The following PTPRN variants were observed in gnomAD, a reference collection of about 807,000 sequenced individuals.
PTPRN encodes receptor-type tyrosine-protein phosphatase-like N.
Under a neutral mutation model 108.5 loss-of-function variants are expected in PTPRN, and 70 were observed. That is an observed-to-expected ratio of 0.65 (90% CI 0.53 to 0.79). PTPRN has a LOEUF of 0.79. Among genes scored for constraint, PTPRN ranks in the 30% least tolerant of loss-of-function variants. PTPRN has a pLI of 0.00. For missense variants in PTPRN, 1,136 were observed against 1,295.5 expected, an observed-to-expected ratio of 0.88 and a Z score of 1.89; for synonymous variants, 496 against 524.6, an observed-to-expected ratio of 0.95 and a Z score of 0.75.
rs375683919 is a variant in PTPRN, at chr2:219,296,872, C to T, written c.2237-50G>A. 1.7e-5 allele frequency: 27 copies of T among 1,613,322 alleles called. No individual in the cohort carries two copies. The highest frequency in any genetic ancestry group is 1.5e-4 in the African/African-American group (11 of 74,896). On this transcript the variant is annotated intron_variant, in intron 15 of 22. Coordinates refer to ENST00000295718, the MANE Select transcript of PTPRN (RefSeq NM_002846.4). This position sits in a 1 kb window ranked among gnomAD's most constrained non-coding sequence, Gnocchi z 6.0. ...CAGATGGCCCTCTGGTCATTGGCATCGCGGGACCTCTGCCACTCAGCCTGA... is the reference window on the plus strand; with the variant it reads ...CAGATGGCCCTCTGGTCATTGGCATTGCGGGACCTCTGCCACTCAGCCTGA...
chr2:219,302,178 C>CCTA lies in PTPRN; in HGVS notation c.950_952dup (p.Leu317_Gly318insVal). On this transcript the variant is annotated inframe_insertion, in exon 6 of 23. Transcript: ENST00000295718. ...GGAAGCAGGCTTCTCTCCACGATCCCCTAGTCCTTCCTTCTCATAGCCCTC... is the reference window on the plus strand; with the variant it reads ...GGAAGCAGGCTTCTCTCCACGATCCCCTACTAGTCCTTCCTTCTCATAGCCCTC... The CCTA allele has an allele frequency of 6.2e-7, 1 of 1,607,546 alleles. No individual in the cohort carries two copies. The highest frequency in any genetic ancestry group is 1.1e-5 in the South Asian group (1 of 90,844).
chr2:219,299,827 CCT>C, intron 9 of PTPRN, 41 bp from the exon 10 acceptor site: 1 of 1,569,168 alleles, frequency 6.4e-7, no homozygotes, highest in African/African-American at 1.4e-5. Context: ...GTGGGGCAAC[CCT>C]CTCAGTCACT....
At chr2:219,301,448 A>G in intron 7 of PTPRN, 140 bp downstream of exon 7, 5 of 1,246,776 alleles carry the variant, frequency 4.0e-6, no homozygotes, top group Non-Finnish European at 5.6e-6. Flanking sequence ...CTTGCTGGCA[A>G]TGACCCTATG....
In PTPRN at chr2:219,295,124, CTCCGACA is replaced by C. The variant is rs762792046; in HGVS notation, c.2519_2525del (p.Val840GlyfsTer15). 3 of 1,611,280 alleles carry C rather than the reference CTCCGACA, an allele frequency of 1.9e-6. No homozygotes were observed. The highest frequency in any genetic ancestry group is 2.5e-6 in the Non-Finnish European group (3 of 1,178,726). ...CCAGAAAGTCCTCGCACCAGATGTG[CTCCGACA>C]CCAGGTTCACCTGCCCGGCAGGGGC... On this transcript the variant is annotated frameshift_variant, in exon 19 of 23. Transcript: ENST00000295718. LOFTEE classifies it high-confidence loss of function.
intron 20 of PTPRN, 109 bp downstream of exon 20, chr2:219,291,361 A>T: frequency 8.1e-7 from 1 of 1,238,412 alleles, no homozygotes; most frequent in East Asian, 2.3e-5. Flanking sequence ...GGTGTGCTGG[A>T]TTTGGACTAT....
chr2:219,296,151 G>A lies in PTPRN; in HGVS notation c.2508+75C>T. ...AAAGACTGTTGAGTGCTCATTTGGT[G>A]AAGAAAACGTTACGAAAAGGCCATC... On this transcript the variant is annotated intron_variant, in intron 18 of 22. Coordinates refer to ENST00000295718, the MANE Select transcript of PTPRN (RefSeq NM_002846.4). This position sits in a 1 kb window ranked among gnomAD's most constrained non-coding sequence, Gnocchi z 6.0. The A allele has an allele frequency of 1.3e-6, 2 of 1,593,428 alleles. No homozygotes were observed. Among genetic ancestry groups the A allele is most frequent in the Non-Finnish European group, 1.7e-6 (2 of 1,163,278 alleles).
In PTPRN at chr2:219,296,726, G is replaced by A; in HGVS notation, c.2310+23C>T. The stretch of plus-strand genomic sequence containing the variant: ...CAGGATAATGATGGGGCAGAGGTGG[G>A]GGCTGGAGTCAGGGCCACTCACAAT... On this transcript the variant is annotated intron_variant, in intron 16 of 22. Coordinates refer to ENST00000295718, the MANE Select transcript of PTPRN (RefSeq NM_002846.4). The surrounding 1 kb of genome is among the most constrained non-coding windows in gnomAD (Gnocchi z 6.0). 1 of 1,612,922 alleles carries A rather than the reference G, an allele frequency of 6.2e-7. No individual in the cohort carries two copies. Among genetic ancestry groups the A allele is most frequent in the South Asian group, 1.1e-5 (1 of 90,922 alleles).
chr2:219,308,958 C>T (rs2125099904), intron 1 of PTPRN: 3 of 1,476,198 alleles, frequency 2.0e-6, no homozygotes, highest in South Asian at 2.4e-5. Context: ...CCACATGCAC[C>T]CCGTGTCCTT....
rs10571864 is a variant in PTPRN, at chr2:219,293,165, C to CATTTATTT, written c.2676-1650_2676-1643dup. 4.1e-4 allele frequency among the ~76,000 whole-genome samples: 62 copies of CATTTATTT among 149,412 alleles called. 1 individual carries two copies. Among genetic ancestry groups the CATTTATTT allele is most frequent in the Middle Eastern group, 3.4e-3 (1 of 294 alleles). On this transcript the variant is annotated intron_variant, in intron 19 of 22. Coordinates refer to ENST00000295718, the MANE Select transcript of PTPRN (RefSeq NM_002846.4). ...CTTCTAGGGGGGCTTGACCAAACTG[C>CATTTATTT]ATTTATTTATTTATTTATTTATTTA... is the stretch of plus-strand genomic sequence containing the variant.
chr2:219,308,948 C>G, intron 1 of PTPRN: 1 of 1,458,220 alleles, frequency 6.9e-7, no homozygotes, highest in Non-Finnish European at 9.2e-7. Flanking sequence ...GTCCCTCTGC[C>G]CACATGCACC....
chr2:219,309,213 C>T lies in PTPRN; in HGVS notation c.115+5G>A, dbSNP rs747974759. The T allele has an allele frequency of 6.5e-7, 1 of 1,531,282 alleles. No individual in the cohort carries two copies. The highest frequency in any genetic ancestry group is 8.8e-7 in the Non-Finnish European group (1 of 1,139,038). 94.9% of individuals were successfully genotyped at this position (1,531,282 alleles called of 1,614,324 possible). A position where few individuals can be genotyped will look rare whatever the true frequency, so the allele number is the denominator to read the frequency against. ...ACCACCCGCCAGCCCAAGTTTCCTC[C>T]TGACCGTGGGCACTAACGGCGCTGC... On this transcript the variant is annotated splice_donor_5th_base_variant and intron_variant, in intron 1 of 22. Transcript: ENST00000295718.
rs1952248422 is a variant in PTPRN at position 219,298,120 on chromosome 2, A to G, written c.1669-17T>C. 2 of 1,607,602 alleles carry G rather than the reference A, an allele frequency of 1.2e-6. No individual in the cohort carries two copies. Among genetic ancestry groups the G allele is most frequent in the African/African-American group, 2.7e-5 (2 of 75,034 alleles). ...CTCCTCCCTCTGTGGGAACAAGGCT[A>G]GAATCAAGGGAGGCAGTGGCATAGG... is the stretch of plus-strand genomic sequence containing the variant. On this transcript the variant is annotated splice_polypyrimidine_tract_variant and intron_variant, in intron 12 of 22. Transcript: ENST00000295718.
chr2:219,302,908 T>C, intron 4 of PTPRN, 71 bp from the exon 5 acceptor site: 1 of 1,541,082 alleles, frequency 6.5e-7, no homozygotes, highest in Non-Finnish European at 8.8e-7. Context: ...GGCAGAACTA[T>C]TCGGGGCCAG....
At chr2:219,299,250 C>A in intron 11 of PTPRN, 55 bp downstream of exon 11, 4 of 1,604,136 alleles carry the variant, frequency 2.5e-6, no homozygotes, top group Non-Finnish European at 3.4e-6. Context: ...TGGATATATC[C>A]TCTTAGGAGT....
chr2:219,296,183 T>G lies in PTPRN; in HGVS notation c.2508+43A>C. 6.2e-7 allele frequency: 1 copy of G among 1,607,252 alleles called. No homozygotes were observed. Among genetic ancestry groups the G allele is most frequent in the African/African-American group, 1.3e-5 (1 of 74,920 alleles). ...ACGTTACGAAAAGGCCATCATCTAC[T>G]CTTCCCACATCCATTGTCCCCTTGC... On this transcript the variant is annotated intron_variant, in intron 18 of 22. Coordinates refer to ENST00000295718, the MANE Select transcript of PTPRN (RefSeq NM_002846.4). This position sits in a 1 kb window ranked among gnomAD's most constrained non-coding sequence, Gnocchi z 6.0.
chr2:219,290,898 A>G lies in PTPRN; in HGVS notation c.2730-8T>C, dbSNP rs746000755. 4.3e-6 allele frequency: 7 copies of G among 1,613,126 alleles called. No homozygotes were observed. The highest frequency in any genetic ancestry group is 5.9e-6 in the Non-Finnish European group (7 of 1,179,150). ...GTCCTCCCCGCACCATCACTGAAAC[A>G]GGAGTTAGTGACAGGTTTAGCTTGA... On this transcript the variant is annotated splice_region_variant and splice_polypyrimidine_tract_variant and intron_variant, in intron 20 of 22. Transcript: ENST00000295718. This position sits in a 1 kb window ranked among gnomAD's most constrained non-coding sequence, Gnocchi z 4.2.
rs1348313086 is a variant in PTPRN, at chr2:219,296,466, C to G, written c.2361G>C (p.Leu787=). The G allele has an allele frequency of 1.9e-6, 3 of 1,614,070 alleles. No individual in the cohort carries two copies. The highest frequency in any genetic ancestry group is 2.2e-5 in the East Asian group (1 of 44,892). Residue 787 remains leucine, a synonymous_variant, in exon 17 of 23, where the codon CTG becomes CTC. Coordinates refer to ENST00000295718, the MANE Select transcript of PTPRN (RefSeq NM_002846.4). This position sits in a 1 kb window ranked among gnomAD's most constrained non-coding sequence, Gnocchi z 6.0. ...MPAYIATQGP[L]SHTIADFWQM... ...GCCAGAAGTCTGCGATGGTATGGGA[C>G]AGCGGGCCCTGCGTGGCTATGTAGG...
At chr2:219,293,165 CATTTATTT>C (rs10571864) in intron 19 of PTPRN, among the ~76,000 whole-genome samples, 35 of 149,328 alleles carry the variant, frequency 2.3e-4, no homozygotes, top group African/African-American at 7.7e-4. Flanking sequence ...GACCAAACTG[CATTTATTT>C]ATTTATTTAT....
chr2:219,291,323 G>C, intron 20 of PTPRN, 147 bp downstream of exon 20: 2 of 847,614 alleles, frequency 2.4e-6, no homozygotes, highest in Non-Finnish European at 4.0e-6. Flanking sequence ...TGAATGCCAC[G>C]CTTAGGTCTT....
Sources: allele counts gnomAD v4.1 joint callset (sites outside exome capture counted in the v4.1 genomes callset), GRCh38; gene constraint gnomAD v4.1.1; non-coding constraint Gnocchi (gnomAD v3.1); transcripts MANE v1.5; gene names NCBI Gene and HGNC (gene_info 2026-07-23, HGNC 2026-07-21).